FSIP1: variants seen among roughly 807,000 people sequenced by gnomAD.
The protein encoded by FSIP1 is fibrous sheath interacting protein 1.
A neutral mutation model predicts 60.9 loss-of-function variants in FSIP1; 65 were observed. The ratio of observed to expected loss-of-function variants is 1.07; its 90% CI spans 0.87 to 1.31. FSIP1 has a LOEUF of 1.31. Among genes scored for constraint, FSIP1 ranks in the 40% most tolerant of loss-of-function variants. The pLI, the probability that FSIP1 is intolerant of heterozygous loss-of-function variation, is 0.00. For missense variants in FSIP1, 675 were observed against 665.5 expected, an observed-to-expected ratio of 1.01 and a Z score of -0.16; for synonymous variants, 209 against 221.2, an observed-to-expected ratio of 0.94 and a Z score of 0.49.
intron 10 of FSIP1, among the ~76,000 whole-genome samples, chr15:39,712,416 G>A (rs533140613): frequency 1.5e-4 from 23 of 152,282 alleles, no homozygotes; most frequent in African/African-American, 5.5e-4. Context: ...CAGGTTATAA[G>A]TGGCTAAGGC....
In FSIP1 at chr15:39,643,869, A is replaced by G. The variant is rs374118591; in HGVS notation, c.1189-25624T>C. ...ATCTCAGCTTCAAAACTTAGTATCA[A>G]TCACATTTTTCAACCTTCCAGTTTA... is the stretch of plus-strand genomic sequence containing the variant. On this transcript the variant is annotated intron_variant, in intron 10 of 11. Transcript: ENST00000350221. Among the ~76,000 whole-genome samples the G allele has an allele frequency of 1.1e-4, 16 of 152,372 alleles. No individual in the cohort carries two copies. In the East Asian group the frequency reaches 1.3e-3, roughly 13 times the overall value.
At chr15:39,738,234 C>T in intron 7 of FSIP1, 33 bp from the exon 8 acceptor site, 1 of 1,397,736 alleles carries the variant, frequency 7.2e-7, no homozygotes, top group Non-Finnish European at 1.0e-6. Flanking sequence ...ATATCATATA[C>T]TCAAGGAAAT....
At chr15:39,619,381 G>A (rs1020617815) in intron 10 of FSIP1, among the ~76,000 whole-genome samples, 5 of 151,966 alleles carry the variant, frequency 3.3e-5, no homozygotes, top group Non-Finnish European at 4.4e-5. Context: ...ATGAGTATGA[G>A]GATAATAAGA....
chr15:39,617,194 A>G (rs191595158), intron 11 of FSIP1, among the ~76,000 whole-genome samples: 1 of 152,310 alleles, frequency 6.6e-6, no homozygotes, highest in African/African-American at 2.4e-5. Flanking sequence ...AAATAATTGA[A>G]TATTTGTTTG....
chr15:39,666,222 C>T (rs1380068507), intron 10 of FSIP1, among the ~76,000 whole-genome samples: 1 of 152,126 alleles, frequency 6.6e-6, no homozygotes, highest in African/African-American at 2.4e-5. Context: ...AAAATCTAGC[C>T]AGCCGAGTTT....
At chr15:39,694,360 T>C (rs1248768990) in intron 10 of FSIP1, among the ~76,000 whole-genome samples, 1 of 152,198 alleles carries the variant, frequency 6.6e-6, no homozygotes, top group Admixed American at 6.5e-5. Flanking sequence ...AAAGGGAACA[T>C]ATGGTTTAAA....
intron 11 of FSIP1, among the ~76,000 whole-genome samples, chr15:39,607,784 T>C (rs1004057836): frequency 4.6e-5 from 7 of 152,238 alleles, no homozygotes; most frequent in African/African-American, 1.7e-4. Flanking sequence ...TCAGTAATAC[T>C]TGCTATTGAA....
chr15:39,615,985 T>C (rs1891216787), intron 11 of FSIP1, among the ~76,000 whole-genome samples: 1 of 152,186 alleles, frequency 6.6e-6, no homozygotes, highest in Non-Finnish European at 1.5e-5. Flanking sequence ...AGTGAGGTGA[T>C]AGATAATGTA....
chr15:39,684,447 A>G (rs1197085301), intron 10 of FSIP1, among the ~76,000 whole-genome samples: 1 of 152,190 alleles, frequency 6.6e-6, no homozygotes, highest in Non-Finnish European at 1.5e-5. Flanking sequence ...GTCCATAAAT[A>G]GCTGCTCAAT....
intron 10 of FSIP1, among the ~76,000 whole-genome samples, chr15:39,708,017 T>G (rs186033415): frequency 4.6e-5 from 7 of 152,292 alleles, no homozygotes; most frequent in Admixed American, 4.6e-4. Flanking sequence ...TGGGAAATGA[T>G]GGAGAGACTG....
rs1370310695 is a variant in FSIP1 at position 39,739,908 on chromosome 15, C to T, written c.656-119G>A. ...AAAACACACACAGAAGAACTAACTT[C>T]TACATTCCAGATCCAGAAACCTAAT... On this transcript the variant is annotated intron_variant, in intron 6 of 11. Coordinates refer to ENST00000350221, the MANE Select transcript of FSIP1 (RefSeq NM_152597.5). 5.3e-6 allele frequency: 3 copies of T among 569,532 alleles called. No individual in the cohort carries two copies. The African/African-American group carries it at 5.9e-5, about 11-fold the overall frequency. 35.3% of individuals were successfully genotyped at this position (569,532 alleles called of 1,614,324 possible).
chr15:39,617,862 C>T lies in FSIP1; in HGVS notation c.1572G>A (p.Ser524=), dbSNP rs144527032. ...IISDTKDYFM[S]KTLGIGRLKR... ...TCAGTCTCCCAATGCCAAGAGTCTT[C>T]GACATAAAATAGTCTTTTGTGTCAC... is the stretch of plus-strand genomic sequence containing the variant. The change falls in exon 11 of 12, where the codon TCG becomes TCA. Residue 524 remains serine (S), a synonymous_variant. Coordinates refer to ENST00000350221, the MANE Select transcript of FSIP1 (RefSeq NM_152597.5). 2,478 of 1,614,024 alleles carry T rather than the reference C, an allele frequency of 1.5e-3. 6 individuals are homozygous for T. Among genetic ancestry groups the T allele is most frequent in the Middle Eastern group, 0.01 (61 of 6,062 alleles).
intron 10 of FSIP1, among the ~76,000 whole-genome samples, chr15:39,704,005 TA>T (rs1895165951): frequency 6.6e-6 from 1 of 152,236 alleles, no homozygotes; most frequent in Non-Finnish European, 1.5e-5. Flanking sequence ...TGTAGAAATA[TA>T]TAATTCTGAA....
At chr15:39,631,753 G>A (rs780690896) in intron 10 of FSIP1, among the ~76,000 whole-genome samples, 44 of 152,290 alleles carry the variant, frequency 2.9e-4, no homozygotes, top group Admixed American at 7.8e-4. Context: ...TTGTGGTTAG[G>A]TTTAATTATA....
intron 10 of FSIP1, among the ~76,000 whole-genome samples, chr15:39,667,829 G>A (rs775993346): frequency 1.8e-4 from 27 of 152,164 alleles, no homozygotes; most frequent in Non-Finnish European, 2.9e-4. Flanking sequence ...AAGCAAGAGG[G>A]GCAAAGCCTG....
At chr15:39,649,827 A>C (rs1019579315) in intron 10 of FSIP1, among the ~76,000 whole-genome samples, 1 of 152,144 alleles carries the variant, frequency 6.6e-6, no homozygotes, top group African/African-American at 2.4e-5. Context: ...CAACCTTTTC[A>C]TTCTAATTAA....
chr15:39,705,092 A>C (rs1455642234), intron 10 of FSIP1, among the ~76,000 whole-genome samples: 2 of 152,242 alleles, frequency 1.3e-5, no homozygotes, highest in East Asian at 3.8e-4. Flanking sequence ...TGGTCAATGC[A>C]TTTGGAATGA....
chr15:39,762,460 C>A (rs1311827231), intron 5 of FSIP1, among the ~76,000 whole-genome samples: 1 of 152,166 alleles, frequency 6.6e-6, no homozygotes, highest in Non-Finnish European at 1.5e-5. Context: ...TTAACTAAGT[C>A]TCTGCAAAGA....
chr15:39,602,787 C>T (rs1890688029), intron 11 of FSIP1, among the ~76,000 whole-genome samples: 1 of 152,166 alleles, frequency 6.6e-6, no homozygotes, highest in Admixed American at 6.5e-5. Flanking sequence ...ATGCCACCTC[C>T]CATCCCTCTA....
Sources: allele counts gnomAD v4.1 joint callset (sites outside exome capture counted in the v4.1 genomes callset), GRCh38; gene constraint gnomAD v4.1.1; transcripts MANE v1.5; gene names NCBI Gene and HGNC (gene_info 2026-07-23, HGNC 2026-07-21).